Variants in NPC1L1 observed in about 807,000 individuals in gnomAD.
NPC1L1 encodes NPC1 like intracellular cholesterol transporter 1, also known as NPC1-like intracellular cholesterol transporter 1.
A neutral mutation model predicts 117.0 loss-of-function variants in NPC1L1; 98 were observed. The ratio of observed to expected loss-of-function variants is 0.84; its 90% CI spans 0.71 to 0.99. NPC1L1 has a LOEUF of 0.99. NPC1L1 is among the 50% of genes least tolerant of loss of function. NPC1L1 has a pLI of 0.00. For missense variants in NPC1L1, 1,540 were observed against 1,710.0 expected (o/e 0.90, Z 1.75); for synonymous variants, 729 against 727.6 (o/e 1.00, Z -0.03).
intron 12 of NPC1L1, 43 bp downstream of exon 12, chr7:44,521,669 C>G (rs1294142408): frequency 6.2e-7 from 1 of 1,613,610 alleles, no homozygotes; most frequent in Non-Finnish European, 8.5e-7. Flanking sequence ...CTCAGTTTGC[C>G]CGAGCTGTGG....
At chr7:44,523,442 A>C (rs1801419598) in intron 10 of NPC1L1, among the ~76,000 whole-genome samples, 1 of 152,134 alleles carries the variant, frequency 6.6e-6, no homozygotes, top group African/African-American at 2.4e-5. Context: ...GGTTAATTTC[A>C]GGCAATCTCA....
intron 10 of NPC1L1, among the ~76,000 whole-genome samples, chr7:44,524,278 C>G (rs1801442027): frequency 6.6e-6 from 1 of 152,088 alleles, no homozygotes; most frequent in Non-Finnish European, 1.5e-5. Context: ...ATAAAGCAAG[C>G]CCTGGGAAAG....
chr7:44,533,021 G>A (rs565071015), intron 8 of NPC1L1, among the ~76,000 whole-genome samples: 103 of 152,090 alleles, frequency 6.8e-4, no homozygotes, highest in Admixed American at 1.0e-3. Flanking sequence ...CAGGAGAATC[G>A]CTTGAACCCG....
At chr7:44,520,587 A>G (rs921810749) in intron 14 of NPC1L1, among the ~76,000 whole-genome samples, 178 bp downstream of exon 14, 1 of 152,122 alleles carries the variant, frequency 6.6e-6, no homozygotes, top group African/African-American at 2.4e-5. Context: ...GGAGTGAGAG[A>G]AGGGGTGAAG....
chr7:44,536,381 T>A lies in NPC1L1; in HGVS notation c.1729A>T (p.Asn577Tyr), dbSNP rs779279992. The change falls in exon 4 of 19, where the codon AAC becomes TAC. Residue 577 changes from asparagine to tyrosine, a missense_variant. Asn to Tyr is a moderately radical substitution (Grantham distance 143). Transcript: ENST00000381160. This position sits in a 1 kb window ranked among gnomAD's most constrained non-coding sequence, Gnocchi z 4.7. ...AEALIMTFSL[N>Y]NYPAGDPRLA... ...CGGGGGTCCCCGGCAGGGTAATTGTTGAGGGAGAACGTCATGATCAGGGCC... is the reference window on the plus strand; with the variant it reads ...CGGGGGTCCCCGGCAGGGTAATTGTAGAGGGAGAACGTCATGATCAGGGCC... 6.2e-7 allele frequency: 1 copy of A among 1,614,098 alleles called. No homozygotes were observed. Among genetic ancestry groups the A allele is most frequent in the African/African-American group, 1.3e-5 (1 of 75,052 alleles).
rs1449178082 is a variant in NPC1L1, at chr7:44,532,230, G to C, written c.2410-13C>G. 1 of 1,613,078 alleles carries C rather than the reference G, an allele frequency of 6.2e-7. No homozygotes were observed. On this transcript the variant is annotated splice_polypyrimidine_tract_variant and intron_variant, in intron 8 of 18. Coordinates refer to ENST00000381160, the MANE Select transcript of NPC1L1 (RefSeq NM_001101648.2). Reference sequence around the variant, plus strand: ...CCAACCGGGAGGCCTGGAGTGGGAGGCACCCCCTCAAGGTAGTCCCAGAGC... The same window carrying C: ...CCAACCGGGAGGCCTGGAGTGGGAGCCACCCCCTCAAGGTAGTCCCAGAGC...
intron 5 of NPC1L1, among the ~76,000 whole-genome samples, chr7:44,535,492 T>C (rs964673030): frequency 2.0e-5 from 3 of 150,908 alleles, no homozygotes; most frequent in African/African-American, 7.3e-5. Context: ...ATCATGCCAC[T>C]GCACTCCAGC....
chr7:44,539,434 C>T lies in NPC1L1; in HGVS notation c.963G>A (p.Lys321=). 1 of 1,613,992 alleles carries T rather than the reference C, an allele frequency of 6.2e-7. No individual in the cohort carries two copies. ...TGAGCTTGTCAGAGAGGCTGGTGCCCTTCTTGGGGTCCACCATCTTGCTTT... is the reference window on the plus strand; with the variant it reads ...TGAGCTTGTCAGAGAGGCTGGTGCCTTTCTTGGGGTCCACCATCTTGCTTT... ...RDKSKMVDPK[K]GTSLSDKLSF... The change falls in exon 2 of 19, where the codon AAG becomes AAA. Residue 321 remains lysine, a synonymous_variant. Transcript: ENST00000381160. The surrounding 1 kb of genome is among the most constrained non-coding windows in gnomAD (Gnocchi z 4.4).
intron 16 of NPC1L1, 39 bp from the exon 17 acceptor site, chr7:44,516,236 G>A (rs376244566): frequency 3.2e-6 from 5 of 1,542,242 alleles, no homozygotes; most frequent in Non-Finnish European, 4.4e-6. Flanking sequence ...GAAAGGCAGA[G>A]GTGGGGAAGG....
chr7:44,516,022 G>T, intron 17 of NPC1L1, 57 bp from the exon 18 acceptor site: 1 of 1,609,726 alleles, frequency 6.2e-7, no homozygotes, highest in Non-Finnish European at 8.5e-7. Context: ...CAGGGCACAG[G>T]GCATCAGGCA....
At chr7:44,519,621 G>A (rs1021759279) in intron 14 of NPC1L1, among the ~76,000 whole-genome samples, 1 of 151,966 alleles carries the variant, frequency 6.6e-6, no homozygotes, top group South Asian at 2.1e-4. Context: ...CCCACCCACC[G>A]ACGACCCCCA....
At chr7:44,537,022 C>A (rs1163406591) in intron 2 of NPC1L1, 80 bp from the exon 3 acceptor site, 4 of 1,147,268 alleles carry the variant, frequency 3.5e-6, no homozygotes, top group Non-Finnish European at 5.0e-6. Flanking sequence ...CCCCTCCCAC[C>A]CCAGACCCAC....
Position 44,539,637 on chromosome 7 carries a change from A to T in NPC1L1, c.760T>A (p.Cys254Ser). The change falls in exon 2 of 19, where the codon TGC becomes AGC. Residue 254 changes from cysteine to serine, a missense_variant. By Grantham distance (112) the Cys-to-Ser change is moderately radical (BLOSUM62 -1). Transcript: ENST00000381160. The surrounding 1 kb of genome is among the most constrained non-coding windows in gnomAD (Gnocchi z 4.4). Reference sequence around the variant, plus strand: ...GATGCAGCACAGTCTTGGCAGGAGCAGGTCGCCACGTCGTCACCTTGGGAC... The same window carrying T: ...GATGCAGCACAGTCTTGGCAGGAGCTGGTCGCCACGTCGTCACCTTGGGAC... ...NESQGDDVATCSCQDCAASCP... is the reference protein window; with the variant it reads ...NESQGDDVATSSCQDCAASCP... 1 of 1,613,838 alleles carries T rather than the reference A, an allele frequency of 6.2e-7. No homozygotes were observed. The highest frequency in any genetic ancestry group is 1.1e-5 in the South Asian group (1 of 91,084).
At chr7:44,519,433 G>A (rs112134667) in intron 14 of NPC1L1, among the ~76,000 whole-genome samples, 4 of 152,142 alleles carry the variant, frequency 2.6e-5, no homozygotes, top group African/African-American at 9.6e-5. Flanking sequence ...CCACCACACT[G>A]GCCTCACAGA....
intron 2 of NPC1L1, among the ~76,000 whole-genome samples, chr7:44,537,969 C>A (rs773134305): frequency 6.6e-6 from 1 of 152,192 alleles, no homozygotes; most frequent in African/African-American, 2.4e-5. Context: ...CAGAAAGTGT[C>A]GGCACTCTCT....
Position 44,539,236 on chromosome 7 carries a change from G to A in NPC1L1, c.1161C>T (p.Asn387=). ...TDPVELWSAP[N]SQARSEKAFH... ...AAGCTTTCTCACTCCGGGCTTGGCT[G>A]TTGGGGGCCGACCACAGCTCCACGG... The change falls in exon 2 of 19, where the codon AAC becomes AAT. Residue 387 remains asparagine, a synonymous_variant. Transcript: ENST00000381160. This position sits in a 1 kb window ranked among gnomAD's most constrained non-coding sequence, Gnocchi z 4.4. The A allele has an allele frequency of 1.2e-6, 2 of 1,614,144 alleles. No individual in the cohort carries two copies. The highest frequency in any genetic ancestry group is 1.7e-6 in the Non-Finnish European group (2 of 1,180,034).
At chr7:44,516,629 T>C (rs1317377186) in intron 16 of NPC1L1, 74 bp downstream of exon 16, 1 of 1,188,426 alleles carries the variant, frequency 8.4e-7, no homozygotes, top group Non-Finnish European at 1.2e-6. Context: ...AAAAAAGAAC[T>C]AGGAGTATTC....
intron 16 of NPC1L1, 24 bp downstream of exon 16, chr7:44,516,679 T>C (rs371006859): frequency 7.4e-5 from 117 of 1,576,094 alleles, no homozygotes; most frequent in Non-Finnish European, 9.2e-5. Flanking sequence ...AGAGGCCCCC[T>C]GGTGCCTGTG....
rs1231213318 is a variant in NPC1L1 at position 44,539,021 on chromosome 7, G to A, written c.1376C>T (p.Pro459Leu). ...CAGGGAGATGTTGCGCTGTGCTTCG[G>A]GCGACCATACCTGGAGGTGCCGCAG... ...ERLRHLQVWS[P>L]EAQRNISLQD... The change falls in exon 2 of 19, where the codon CCC (proline) becomes CTC (leucine). Residue 459 changes from proline to leucine, a missense_variant. Coordinates refer to ENST00000381160, the MANE Select transcript of NPC1L1 (RefSeq NM_001101648.2). The surrounding 1 kb of genome is among the most constrained non-coding windows in gnomAD (Gnocchi z 4.4). 6.2e-7 allele frequency: 1 copy of A among 1,614,126 alleles called. No individual in the cohort carries two copies. Among genetic ancestry groups the A allele is most frequent in the East Asian group, 2.2e-5 (1 of 44,878 alleles).
Sources: gnomAD v4.1 joint callset for allele counts (sites outside exome capture counted in the v4.1 genomes callset) on GRCh38, gnomAD v4.1.1 for gene constraint, Gnocchi (gnomAD v3.1) non-coding constraint, MANE v1.5 for transcripts, NCBI Gene and HGNC (gene_info 2026-07-23, HGNC 2026-07-21) for gene names.